The following PRKCA variants were observed in gnomAD, a reference collection of about 807,000 sequenced individuals.
PRKCA encodes the protein protein kinase C alpha, also known as protein kinase C alpha type.
In PRKCA, 27 loss-of-function variants were observed where a neutral mutation model predicts 87.0. The observed-to-expected ratio is 0.31, with a 90% CI of 0.23 to 0.43. The LOEUF (loss-of-function observed/expected upper bound fraction) is 0.43. Ranked by LOEUF, PRKCA falls within the 20% of genes least tolerant of loss-of-function variation. The probability of loss-of-function intolerance (pLI) is 1.00; values close to 1 mark genes in which losing one functional copy is unlikely to be tolerated. For missense variants in PRKCA, 518 were observed against 852.3 expected, an observed-to-expected ratio of 0.61 and a Z score of 4.88; for synonymous variants, 329 against 311.1, an observed-to-expected ratio of 1.06 and a Z score of -0.61.
intron 8 of PRKCA, among the ~76,000 whole-genome samples, chr17:66,724,458 T>C (rs984265037): frequency 6.6e-5 from 10 of 152,144 alleles, no homozygotes; most frequent in Admixed American, 4.6e-4. Flanking sequence ...CCGCTTTCTT[T>C]ACCTAACTTG....
chr17:66,688,966 C>T lies in PRKCA; in HGVS notation c.837C>T (p.Asn279=), dbSNP rs150522438. The part of the protein sequence containing the change: ...MPASGWYKLL[N]QEEGEYYNVP... ...TCCTTGAAAGGTACAAGTTGCTTAA[C>T]CAAGAAGAAGGTGAGTACTACAACG... The change falls in exon 8 of 17, where the codon AAC becomes AAT. Residue 279 remains asparagine, a synonymous_variant. Transcript: ENST00000413366. The T allele has an allele frequency of 1.6e-3, 2,555 of 1,603,624 alleles. 29 individuals carry two copies. In the African/African-American group the frequency reaches 0.019, roughly 12 times the overall value.
chr17:66,731,619 C>G (rs1384686805), intron 8 of PRKCA, among the ~76,000 whole-genome samples: 3 of 152,010 alleles, frequency 2.0e-5, no homozygotes. Context: ...TCTGCTGAGC[C>G]CTTTTACCTT....
At chr17:66,454,770 G>A (rs78538448) in intron 2 of PRKCA, among the ~76,000 whole-genome samples, 4,763 of 152,278 alleles carry the variant, frequency 0.031, 206 homozygotes, top group African/African-American at 0.1. Flanking sequence ...AGGAATTTAC[G>A]GGAGGTACAA....
intron 13 of PRKCA, among the ~76,000 whole-genome samples, chr17:66,753,420 T>A (rs2144270290): frequency 6.6e-6 from 1 of 152,248 alleles, no homozygotes; most frequent in South Asian, 2.1e-4. Context: ...TGGGACGCAG[T>A]TAGACATGCA....
chr17:66,538,095 C>T (rs891078397), intron 3 of PRKCA, among the ~76,000 whole-genome samples: 9 of 152,170 alleles, frequency 5.9e-5, no homozygotes, highest in African/African-American at 9.7e-5. Context: ...GCCACCACCA[C>T]GCCTGACTCC....
At chr17:66,779,800 C>T (rs2144354577) in intron 14 of PRKCA, among the ~76,000 whole-genome samples, 1 of 152,248 alleles carries the variant, frequency 6.6e-6, no homozygotes, top group Non-Finnish European at 1.5e-5. Context: ...CAAGACTTTT[C>T]AACAGGTAGC....
intron 13 of PRKCA, among the ~76,000 whole-genome samples, chr17:66,770,875 G>C (rs868742162): frequency 6.6e-6 from 1 of 152,194 alleles, no homozygotes; most frequent in Non-Finnish European, 1.5e-5. Context: ...GGCTGGCTTA[G>C]ATGAAGATGC....
chr17:66,639,836 A>G (rs545867455), intron 3 of PRKCA, among the ~76,000 whole-genome samples: 4 of 152,202 alleles, frequency 2.6e-5, no homozygotes, highest in South Asian at 4.1e-4. Context: ...ATCTCTACTA[A>G]AAATTAAAAA....
intron 3 of PRKCA, among the ~76,000 whole-genome samples, chr17:66,611,345 C>T (rs1216344645): frequency 1.3e-5 from 2 of 152,136 alleles, no homozygotes; most frequent in Non-Finnish European, 2.9e-5. Flanking sequence ...TAGTCATCTC[C>T]CTTTTCCCCA....
At chr17:66,426,528 G>A (rs745777361) in intron 2 of PRKCA, among the ~76,000 whole-genome samples, 108 of 152,276 alleles carry the variant, frequency 7.1e-4, no homozygotes, top group Non-Finnish European at 1.4e-3. Context: ...GTTGCAGAGG[G>A]GAGGTGGTTT....
intron 2 of PRKCA, among the ~76,000 whole-genome samples, chr17:66,464,380 A>G (rs1388293444): frequency 6.6e-6 from 1 of 152,168 alleles, no homozygotes; most frequent in Non-Finnish European, 1.5e-5. Context: ...ATTTGGGTAA[A>G]TATATGACCC....
At chr17:66,578,115 A>G (rs1473396859) in intron 3 of PRKCA, among the ~76,000 whole-genome samples, 1 of 151,364 alleles carries the variant, frequency 6.6e-6, no homozygotes, top group Non-Finnish European at 1.5e-5. Context: ...TTCCTCAGCC[A>G]GCTAACGAGA....
chr17:66,606,948 G>T (rs1026222717), intron 3 of PRKCA, among the ~76,000 whole-genome samples: 1 of 152,056 alleles, frequency 6.6e-6, no homozygotes, highest in Non-Finnish European at 1.5e-5. Context: ...TAAAAAACAG[G>T]CAAGTTTAAA....
intron 8 of PRKCA, among the ~76,000 whole-genome samples, chr17:66,724,430 T>G (rs1973691732): frequency 6.6e-6 from 1 of 152,148 alleles, no homozygotes; most frequent in Non-Finnish European, 1.5e-5. Flanking sequence ...GGACTGCTGC[T>G]CAGAGCCTGG....
At chr17:66,769,188 T>G (rs1268281385) in intron 13 of PRKCA, among the ~76,000 whole-genome samples, 1 of 151,974 alleles carries the variant, frequency 6.6e-6, no homozygotes, top group Non-Finnish European at 1.5e-5. Context: ...AAATCCTGTC[T>G]CTAAAAAAAT....
chr17:66,404,742 CT>C (rs773919783), intron 2 of PRKCA, among the ~76,000 whole-genome samples: 509 of 54,146 alleles, frequency 9.4e-3, no homozygotes, highest in African/African-American at 0.028. Context: ...GATGGTAGGC[CT>C]TTTTTTTTTT....
intron 2 of PRKCA, among the ~76,000 whole-genome samples, chr17:66,315,603 C>A (rs1905276606): frequency 6.6e-6 from 1 of 152,010 alleles, no homozygotes; most frequent in Non-Finnish European, 1.5e-5. Flanking sequence ...TCTCAGCCTC[C>A]CGAGTAGCTG....
intron 2 of PRKCA, among the ~76,000 whole-genome samples, chr17:66,468,908 C>T (rs1915204466): frequency 6.6e-6 from 1 of 152,184 alleles, no homozygotes; most frequent in Non-Finnish European, 1.5e-5. Context: ...TGAATGCTGT[C>T]TTCCCAGCAG....
intron 3 of PRKCA, among the ~76,000 whole-genome samples, chr17:66,511,735 C>T (rs8068988): frequency 0.49 from 74,208 of 150,302 alleles, 18,659 homozygotes; most frequent in East Asian, 0.76. Context: ...GGCTGGAGTG[C>T]AGTGGTGTGA....
Sources: gnomAD v4.1 joint callset for allele counts (sites outside exome capture counted in the v4.1 genomes callset) on GRCh38, gnomAD v4.1.1 for gene constraint, MANE v1.5 for transcripts, NCBI Gene and HGNC (gene_info 2026-07-23, HGNC 2026-07-21) for gene names.